KIF25: variants seen among roughly 807,000 people sequenced by gnomAD.
KIF25 encodes the protein kinesin-like protein KIF25.
KIF25 carries 19 observed loss-of-function variants against 32.9 expected under a neutral mutation model. The ratio of observed to expected loss-of-function variants is 0.58; its 90% CI spans 0.40 to 0.85. KIF25 has a LOEUF of 0.85. Ranked by LOEUF, KIF25 falls within the 40% of genes least tolerant of loss-of-function variation. The pLI is 0.00. For synonymous variants in KIF25, 225 were observed against 213.7 expected, an observed-to-expected ratio of 1.05 and a Z score of -0.46; for missense variants, 485 against 507.0, an observed-to-expected ratio of 0.96 and a Z score of 0.42.
Position 168,040,215 on chromosome 6 carries a change from T to A in KIF25, c.645T>A (p.Thr215=). ...CCACAGCCTCCTGCTCTGACAGCAC[T>A]GGTAAGTCACCATTTGTGCTTGGTC... ...TLTTASCSDS[T]ADQACSATLP... The change falls in exon 10 of 13, where the codon ACT becomes ACA. Residue 215 remains threonine, a splice_region_variant and synonymous_variant. Transcript: ENST00000643607. 6.2e-7 allele frequency: 1 copy of A among 1,609,544 alleles called. No homozygotes were observed. Among genetic ancestry groups the A allele is most frequent in the Non-Finnish European group, 8.5e-7 (1 of 1,177,984 alleles).
rs56243912 is a variant in KIF25 at position 168,024,423 on chromosome 6, CTTTTTTTT to C, written c.-94-5046_-94-5039del. On this transcript the variant is annotated intron_variant, in intron 5 of 12. Transcript: ENST00000643607. ...GAATAATCTTAGTAAAAACCTCTCTCTTTTTTTTTTTTTTTTTTTTTTTTTTTTTTACT... is the reference window on the plus strand; with the variant it reads ...GAATAATCTTAGTAAAAACCTCTCTCTTTTTTTTTTTTTTTTTTTTTTACT... 7.1e-3 allele frequency among the ~76,000 whole-genome samples: 441 copies of C among 61,970 alleles called. 6 individuals carry two copies. The highest frequency in any genetic ancestry group is 0.028 in the African/African-American group (418 of 14,778). The allele number at this position is 61,970 out of a possible 152,430, so 40.7% of individuals were successfully genotyped here.
rs61060025 is a variant in KIF25 at position 168,022,768 on chromosome 6, GTT to G, written c.-95+4744_-95+4745del. On this transcript the variant is annotated intron_variant, in intron 5 of 12. Coordinates refer to ENST00000643607, the MANE Select transcript of KIF25 (RefSeq NM_030615.4). The stretch of plus-strand genomic sequence containing the variant: ...GTTTTTTTGATTGTTTGTTGTTGTT[GTT>G]TTTTTTTTTTTTTTTGGTAGGAGAC... Among the ~76,000 whole-genome samples, 204 of 121,600 alleles carry G rather than the reference GTT, an allele frequency of 1.7e-3. 2 individuals are homozygous for G. The highest frequency in any genetic ancestry group is 5.2e-3 in the African/African-American group (172 of 33,308). 79.8% of individuals were successfully genotyped at this position (121,600 alleles called of 152,430 possible).
chr6:168,012,514 T>A (rs1478403813), intron 4 of KIF25, among the ~76,000 whole-genome samples: 1 of 152,170 alleles, frequency 6.6e-6, no homozygotes, highest in Non-Finnish European at 1.5e-5. Flanking sequence ...AGGCTATATC[T>A]CGGGTTCGGG....
At chr6:168,012,795 G>C (rs1318230640) in intron 4 of KIF25, among the ~76,000 whole-genome samples, 1 of 152,126 alleles carries the variant, frequency 6.6e-6, no homozygotes, top group Admixed American at 6.5e-5. Context: ...TGGCTGGCCT[G>C]AGGGTGTGTT....
Position 168,038,708 on chromosome 6 carries a change from A to G in KIF25, c.473A>G (p.Glu158Gly), listed in dbSNP as rs1799068548. 2 of 1,613,836 alleles carry G rather than the reference A, an allele frequency of 1.2e-6. No homozygotes were observed. The highest frequency in any genetic ancestry group is 3.3e-5 in the Admixed American group (2 of 60,026). The change falls in exon 9 of 13, where the codon GAG becomes GGG. Residue 158 changes from glutamate to glycine, a missense_variant. Glu to Gly is a moderately conservative substitution (Grantham distance 98). Around this residue, in one of 2 missense-constraint regions of KIF25, gnomAD observed 480 missense variants for 470.3 expected, o/e 1.02. Coordinates refer to ENST00000643607, the MANE Select transcript of KIF25 (RefSeq NM_030615.4). ...EVVTAKDGRT[E>G]VALLASEAVG... The stretch of plus-strand genomic sequence containing the variant: ...GTGACAGCCAAGGATGGACGGACAG[A>G]GGTTGCGCTGCTGGCCTCTGAGTGA...
intron 7 of KIF25, among the ~76,000 whole-genome samples, chr6:168,031,516 T>A (rs1798941856): frequency 6.6e-6 from 1 of 152,196 alleles, no homozygotes; most frequent in Non-Finnish European, 1.5e-5. Context: ...CAAAGGCACA[T>A]GATCCAACGA....
intron 4 of KIF25, among the ~76,000 whole-genome samples, chr6:168,008,306 C>T: frequency 6.6e-6 from 1 of 152,102 alleles, no homozygotes; most frequent in Admixed American, 6.6e-5. Context: ...TTCCAGTTTT[C>T]CTAGTACCAT....
chr6:168,002,216 G>A (rs55636425), intron 2 of KIF25, among the ~76,000 whole-genome samples: 2,716 of 100,918 alleles, frequency 0.027, 503 homozygotes, highest in African/African-American at 0.087. Flanking sequence ...GACACCTTCA[G>A]GCATAGCCTC....
chr6:168,023,313 G>C (rs1049599705), intron 5 of KIF25, among the ~76,000 whole-genome samples: 2 of 142,774 alleles, frequency 1.4e-5, no homozygotes, highest in Non-Finnish European at 3.0e-5. Flanking sequence ...TGTTGCCGAG[G>C]CTGGAGTACA....
intron 4 of KIF25, among the ~76,000 whole-genome samples, chr6:168,006,326 G>C (rs1798579531): frequency 1.3e-5 from 2 of 151,980 alleles, no homozygotes; most frequent in African/African-American, 4.8e-5. Context: ...GTAGGCGTGA[G>C]CCACCACACC....
Position 167,998,664 on chromosome 6 carries a change from T to C in KIF25, c.-805T>C, listed in dbSNP as rs1428348148. ...AATGCCTAAAATGTCGAGCCCAGGA[T>C]GCCATTCAAAGGGATTTTCCTTGGT... On this transcript the variant is annotated 5_prime_UTR_variant, in exon 1 of 13. The change abolishes an upstream ATG in the 5' untranslated region. Transcript: ENST00000643607. 1.3e-5 allele frequency: 2 copies of C among 152,328 alleles called. No individual in the cohort carries two copies. The highest frequency in any genetic ancestry group is 3.4e-3 in the Middle Eastern group (1 of 294). The allele number at this position is 152,328 out of a possible 1,614,324, so 9.4% of individuals were successfully genotyped here.
intron 5 of KIF25, among the ~76,000 whole-genome samples, chr6:168,026,421 T>A (rs1798861788): frequency 6.6e-6 from 1 of 152,236 alleles, no homozygotes; most frequent in African/African-American, 2.4e-5. Context: ...TATAAATCTC[T>A]GCAAGAATTC....
In KIF25 at chr6:168,038,749, C is replaced by T. The variant is rs190773100; in HGVS notation, c.494+20C>T. 82 of 1,607,432 alleles carry T rather than the reference C, an allele frequency of 5.1e-5. No individual in the cohort carries two copies. The highest frequency in any genetic ancestry group is 2.9e-4 in the African/African-American group (22 of 74,864). ...CTCTGAGTGAGTACTGCACCTGCCC[C>T]GTGCTGCTGGCCTCTGAGTGAGAAT... is the stretch of plus-strand genomic sequence containing the variant. On this transcript the variant is annotated intron_variant, in intron 9 of 12. Transcript: ENST00000643607.
chr6:168,011,062 G>A (rs182643412), intron 4 of KIF25, among the ~76,000 whole-genome samples: 4 of 152,136 alleles, frequency 2.6e-5, no homozygotes, highest in Admixed American at 6.5e-5. Context: ...TCTTTAATCT[G>A]TCAGGCAGTT....
intron 4 of KIF25, among the ~76,000 whole-genome samples, chr6:168,015,163 C>T (rs1798697239): frequency 6.6e-6 from 1 of 152,170 alleles, no homozygotes; most frequent in South Asian, 2.1e-4. Context: ...ATATCCACAG[C>T]AGGCAGCCTT....
At position 167,997,792 on chromosome 6, in the gene KIF25, G is replaced by T. The variant is rs553536253; in HGVS notation, c.-1677G>T. Among the ~76,000 whole-genome samples, 1 of 152,068 alleles carries T rather than the reference G, an allele frequency of 6.6e-6. No individual in the cohort carries two copies. The highest frequency in any genetic ancestry group is 1.5e-5 in the Non-Finnish European group (1 of 68,010). ...GTGGATGATTGAGTGGGTGACCCTC[G>T]CTTCTGTGAGGTTTGATTTTGATGG... is the stretch of plus-strand genomic sequence containing the variant. On this transcript the variant is annotated 5_prime_UTR_variant, in exon 1 of 13. Transcript: ENST00000643607.
intron 2 of KIF25, among the ~76,000 whole-genome samples, chr6:168,002,086 TAGCC>T (rs1798514031): frequency 1.4e-5 from 1 of 69,774 alleles, no homozygotes; most frequent in Non-Finnish European, 3.0e-5. Context: ...CCTTCAGGCG[TAGCC>T]TCGGGCAGGT....
intron 7 of KIF25, 121 bp downstream of exon 7, chr6:168,030,968 A>G (rs997889853): frequency 5.5e-6 from 4 of 725,942 alleles, no homozygotes; most frequent in Non-Finnish European, 8.9e-6. Context: ...ACTGCAGAGC[A>G]TGCCCATGGG....
chr6:168,012,720 G>A (rs1798664420), intron 4 of KIF25, among the ~76,000 whole-genome samples: 1 of 152,142 alleles, frequency 6.6e-6, no homozygotes, highest in Admixed American at 6.5e-5. Flanking sequence ...CTCGTCTGGG[G>A]TGTGTCTGCT....
Sources: allele counts gnomAD v4.1 joint callset (sites outside exome capture counted in the v4.1 genomes callset), GRCh38; gene constraint gnomAD v4.1.1; regional missense constraint gnomAD v4.1.1; transcripts MANE v1.5; gene names NCBI Gene and HGNC (gene_info 2026-07-23, HGNC 2026-07-21).